Variants in TAX1BP1 observed in about 807,000 individuals in gnomAD.
The protein encoded by TAX1BP1 is Tax1 binding protein 1, also known as tax1-binding protein 1.
A neutral mutation model predicts 97.7 loss-of-function variants in TAX1BP1; 62 were observed. The observed-to-expected ratio is 0.63, with a 90% CI of 0.52 to 0.78. The LOEUF (loss-of-function observed/expected upper bound fraction) is 0.78. Among genes scored for constraint, TAX1BP1 ranks in the 30% least tolerant of loss-of-function variants. The pLI, the probability that TAX1BP1 is intolerant of heterozygous loss-of-function variation, is 0.00. For synonymous variants in TAX1BP1, 340 were observed against 304.2 expected (o/e 1.12, Z -1.23); for missense variants, 867 against 916.1 (o/e 0.95, Z 0.69).
intron 10 of TAX1BP1, among the ~76,000 whole-genome samples, chr7:27,793,756 T>C (rs1188954924): frequency 6.6e-6 from 1 of 152,204 alleles, no homozygotes; most frequent in Admixed American, 6.5e-5. Context: ...GTATGTATGT[T>C]TCAATGTGGG....
At chr7:27,775,025 T>G (rs1788976853) in intron 5 of TAX1BP1, among the ~76,000 whole-genome samples, 1 of 152,308 alleles carries the variant, frequency 6.6e-6, no homozygotes, top group Non-Finnish European at 1.5e-5. Context: ...GAATTTGGTT[T>G]ACATTTATTT....
At chr7:27,806,354 G>A (rs1365627146) in intron 13 of TAX1BP1, among the ~76,000 whole-genome samples, 11 of 151,684 alleles carry the variant, frequency 7.3e-5, no homozygotes, top group Admixed American at 7.2e-4. Flanking sequence ...CCAAAGTGCT[G>A]GGATTACAGG....
upstream of TAX1BP1, chr7:27,739,986 A>G (rs1485948405): frequency 6.6e-6 from 1 of 152,284 alleles, no homozygotes; most frequent in Admixed American, 6.5e-5. Context: ...CGAAAATAGC[A>G]AGGACGAAGT....
At chr7:27,825,319 A>C (rs1791137508) in intron 15 of TAX1BP1, among the ~76,000 whole-genome samples, 1 of 151,518 alleles carries the variant, frequency 6.6e-6, no homozygotes, top group Non-Finnish European at 1.5e-5. Context: ...TGTGGTTTTG[A>C]AACTAATTAA....
Position 27,765,810 on chromosome 7 carries a change from TTTTG to T in TAX1BP1, c.266-17_266-14del, listed in dbSNP as rs748500278. 1.0e-5 allele frequency: 16 copies of T among 1,576,678 alleles called. No individual in the cohort carries two copies. The highest frequency in any genetic ancestry group is 1.4e-5 in the Non-Finnish European group (16 of 1,152,126). On this transcript the variant is annotated intron_variant, in intron 3 of 16. Coordinates refer to ENST00000396319, the MANE Select transcript of TAX1BP1 (RefSeq NM_006024.7). ...AATTTTATAATAGGAAGTTTAATAA[TTTTG>T]TTTGTTAACTTCCTCTTAGGATATT...
chr7:27,798,014 G>A (rs1043032203), intron 12 of TAX1BP1, among the ~76,000 whole-genome samples: 5 of 151,854 alleles, frequency 3.3e-5, no homozygotes, highest in Non-Finnish European at 4.4e-5. Flanking sequence ...CATCCCTTTC[G>A]TTATCCTTAT....
At chr7:27,754,904 A>T (rs948261715) in intron 2 of TAX1BP1, among the ~76,000 whole-genome samples, 5 of 152,004 alleles carry the variant, frequency 3.3e-5, no homozygotes, top group African/African-American at 1.2e-4. Flanking sequence ...TAATGCATAT[A>T]TTTTGAATGT....
intron 2 of TAX1BP1, among the ~76,000 whole-genome samples, chr7:27,750,224 C>G (rs1787972982): frequency 6.6e-6 from 1 of 152,106 alleles, no homozygotes. Context: ...AAGGGCATTT[C>G]CAGCAGGAAA....
intron 5 of TAX1BP1, among the ~76,000 whole-genome samples, chr7:27,780,276 A>G (rs1451869640): frequency 6.6e-6 from 1 of 152,186 alleles, no homozygotes; most frequent in Non-Finnish European, 1.5e-5. Flanking sequence ...CAGTACCTCA[A>G]TTATTAAAAT....
At chr7:27,823,386 C>G (rs1791052700) in intron 15 of TAX1BP1, among the ~76,000 whole-genome samples, 1 of 152,166 alleles carries the variant, frequency 6.6e-6, no homozygotes, top group Non-Finnish European at 1.5e-5. Context: ...TAATTATCAA[C>G]TTAGTAAGAG....
rs374847404 is a variant in TAX1BP1, at chr7:27,787,411, A to G, written c.853-7A>G. The G allele has an allele frequency of 1.9e-5, 31 of 1,598,882 alleles. No homozygotes were observed. The Admixed American group carries it at 2.1e-4, about 11-fold the overall frequency. ...AATATTCTTGACATTTTCAAACACC[A>G]TTACAGGTACATTTGAAGAATACAG... On this transcript the variant is annotated splice_polypyrimidine_tract_variant and splice_region_variant and intron_variant, in intron 7 of 16. Coordinates refer to ENST00000396319, the MANE Select transcript of TAX1BP1 (RefSeq NM_006024.7).
At chr7:27,828,265 C>T (rs762910746) in intron 16 of TAX1BP1, among the ~76,000 whole-genome samples, 3 of 152,136 alleles carry the variant, frequency 2.0e-5, no homozygotes, top group Non-Finnish European at 4.4e-5. Flanking sequence ...ACCAAATGCA[C>T]TGGTGGGAAG....
intron 1 of TAX1BP1, among the ~76,000 whole-genome samples, chr7:27,743,811 T>A (rs367574507): frequency 0.52 from 1,449 of 2,770 alleles, 440 homozygotes; most frequent in East Asian, 0.91. Context: ...TTTTTTTTTT[T>A]TTTTTGAGAC....
intron 13 of TAX1BP1, chr7:27,802,977 G>T: frequency 2.4e-6 from 2 of 841,972 alleles, no homozygotes; most frequent in Non-Finnish European, 3.4e-6. Flanking sequence ...AGAAGTCAAA[G>T]AATTAGCTGA....
In TAX1BP1 at chr7:27,748,685, A is replaced by T. The variant is rs1167126944; in HGVS notation, c.161A>T (p.Lys54Met). The change falls in exon 2 of 17, where the codon AAG becomes ATG. Residue 54 changes from lysine (K) to methionine (M), a missense_variant and splice_region_variant. Physicochemically the swap from Lys to Met is moderately conservative, Grantham distance 95. This residue lies in a region of TAX1BP1 where 822 missense variants were observed against 851.4 expected (regional missense o/e 0.97). Transcript: ENST00000396319. ...PHPKDWVGIF[K>M]VGWSTARDYY... ...CCAAAAGATTGGGTTGGTATATTCA[A>T]GGTAAGAAAGCTTTCTGAATATGTT... 6.6e-7 allele frequency: 1 copy of T among 1,524,510 alleles called. No homozygotes were observed. Among genetic ancestry groups the T allele is most frequent in the Non-Finnish European group, 8.9e-7 (1 of 1,129,050 alleles). 94.4% of individuals were successfully genotyped at this position (1,524,510 alleles called of 1,614,324 possible).
At chr7:27,761,168 T>A (rs192590428) in intron 3 of TAX1BP1, among the ~76,000 whole-genome samples, 134 of 152,314 alleles carry the variant, frequency 8.8e-4, no homozygotes, top group African/African-American at 3.1e-3. Context: ...AGTTTAATTT[T>A]AAAAAATTAA....
intron 8 of TAX1BP1, 94 bp from the exon 9 acceptor site, chr7:27,791,912 T>A (rs1277267218): frequency 9.0e-7 from 1 of 1,108,222 alleles, no homozygotes; most frequent in African/African-American, 1.6e-5. Context: ...ATATCTAAAA[T>A]TTTGGCCCTG....
intron 15 of TAX1BP1, among the ~76,000 whole-genome samples, chr7:27,817,255 T>C (rs1252850451): frequency 1.3e-5 from 2 of 152,210 alleles, no homozygotes; most frequent in East Asian, 1.9e-4. Flanking sequence ...TTCAGACTTA[T>C]ACTTTAGGAT....
intron 13 of TAX1BP1, among the ~76,000 whole-genome samples, chr7:27,806,359 T>C (rs1790337977): frequency 6.6e-6 from 1 of 152,030 alleles, no homozygotes; most frequent in Admixed American, 6.6e-5. Flanking sequence ...GTGCTGGGAT[T>C]ACAGGTGTGA....
Sources: allele counts gnomAD v4.1 joint callset (sites outside exome capture counted in the v4.1 genomes callset), GRCh38; gene constraint gnomAD v4.1.1; regional missense constraint gnomAD v4.1.1; transcripts MANE v1.5; gene names NCBI Gene and HGNC (gene_info 2026-07-23, HGNC 2026-07-21).